Variants in IL1RAPL2 observed in about 807,000 individuals in gnomAD.
IL1RAPL2 encodes the protein interleukin 1 receptor accessory protein like 2.
In IL1RAPL2, 3 loss-of-function variants were observed where a neutral mutation model predicts 44.1. The observed-to-expected ratio is 0.07, with a 90% CI of 0.03 to 0.18. The LOEUF (loss-of-function observed/expected upper bound fraction) is 0.18, where lower values mean the gene tolerates loss of function less well. Ranked by LOEUF, IL1RAPL2 falls within the 10% of genes least tolerant of loss-of-function variation. The probability of loss-of-function intolerance (pLI) is 1.00; values close to 1 mark genes in which losing one functional copy is unlikely to be tolerated. For synonymous variants in IL1RAPL2, 181 were observed against 178.8 expected (o/e 1.01, Z -0.10); for missense variants, 391 against 496.4 (o/e 0.79, Z 2.02).
intron 8 of IL1RAPL2, among the ~76,000 whole-genome samples, chrX:105,748,429 C>A (rs1387103090): frequency 8.9e-6 from 1 of 111,920 alleles, no homozygotes; most frequent in East Asian, 2.8e-4. Context: ...TACCTGCTTA[C>A]CTTATATTGG....
chrX:105,275,766 G>A (rs1259655658), intron 5 of IL1RAPL2, among the ~76,000 whole-genome samples: 1 of 111,528 alleles, frequency 9.0e-6, no homozygotes, highest in Non-Finnish European at 1.9e-5. Flanking sequence ...GGCTGAGAGA[G>A]TTTAAAACAA....
In IL1RAPL2 at chrX:104,970,229, CACTA is replaced by C. The variant is rs775301077; in HGVS notation, c.83-225244_83-225241del. Among the ~76,000 whole-genome samples, 253 of 111,753 alleles carry C rather than the reference CACTA, an allele frequency of 2.3e-3. 1 individual carries two copies. The highest frequency in any genetic ancestry group is 7.7e-3 in the African/African-American group (238 of 30,763). ...ATTATAGTGTAGTCATAAAATGAAACACTAAATAGTGAAAATAAATGAACTTGAG... is the reference window on the plus strand; with the variant it reads ...ATTATAGTGTAGTCATAAAATGAAACAATAGTGAAAATAAATGAACTTGAG... On this transcript the variant is annotated intron_variant, in intron 2 of 10. Coordinates refer to ENST00000372582, the MANE Select transcript of IL1RAPL2 (RefSeq NM_017416.2).
chrX:104,898,397 AT>A (rs768241366), intron 2 of IL1RAPL2, among the ~76,000 whole-genome samples: 1 of 112,672 alleles, frequency 8.9e-6, no homozygotes, highest in African/African-American at 3.2e-5. Context: ...AAGTATAGGT[AT>A]ATTAGTATTC....
intron 10 of IL1RAPL2, among the ~76,000 whole-genome samples, chrX:105,762,198 T>G (rs1168667350): frequency 1.8e-5 from 2 of 112,367 alleles, no homozygotes; most frequent in Non-Finnish European, 3.8e-5. Flanking sequence ...TTTCTAGATC[T>G]AATTCTATTT....
intron 5 of IL1RAPL2, among the ~76,000 whole-genome samples, chrX:105,475,401 A>G (rs2036191205): frequency 9.0e-6 from 1 of 111,147 alleles, no homozygotes; most frequent in Non-Finnish European, 1.9e-5. Context: ...CTAGATCCTG[A>G]CAGATCAGTC....
chrX:104,871,089 G>A (rs1191666659), intron 2 of IL1RAPL2, among the ~76,000 whole-genome samples: 1 of 111,194 alleles, frequency 9.0e-6, no homozygotes, highest in Non-Finnish European at 1.9e-5. Flanking sequence ...ACTTATATAA[G>A]TTCTTAAATG....
Position 105,749,015 on chromosome X carries a change from T to C in IL1RAPL2, c.1104T>C (p.Leu368=). Residue 368 remains leucine (L), a synonymous_variant, in exon 9 of 11, where the codon CTT becomes CTC. Transcript: ENST00000372582. The stretch of plus-strand genomic sequence containing the variant: ...GCCTGGGAGCAATCTTCCTCCTCCT[T>C]GTACTGCTGGTGGTCATTTACAAAT... ...AGGLGAIFLL[L]VLLVVIYKCY... is the part of the protein sequence containing the mutation. 1.7e-6 allele frequency: 2 copies of C among 1,209,192 alleles called. No homozygotes were observed. The highest frequency in any genetic ancestry group is 2.2e-6 in the Non-Finnish European group (2 of 893,281).
intron 2 of IL1RAPL2, among the ~76,000 whole-genome samples, chrX:105,026,857 C>T: frequency 2.2e-5 from 1 of 45,319 alleles, no homozygotes; most frequent in Non-Finnish European, 3.9e-5. Context: ...TTATATGGAA[C>T]CACAAAAGAC....
chrX:105,009,749 TAATA>T (rs2031015795), intron 2 of IL1RAPL2, among the ~76,000 whole-genome samples: 1 of 109,816 alleles, frequency 9.1e-6, no homozygotes, highest in South Asian at 3.9e-4. Context: ...TAAAGTATAA[TAATA>T]ATAAAATTTA....
intron 2 of IL1RAPL2, among the ~76,000 whole-genome samples, chrX:104,693,646 A>G (rs150848541): frequency 8.1e-5 from 9 of 111,549 alleles, no homozygotes; most frequent in Non-Finnish European, 1.1e-4. Context: ...TAAATTTCCT[A>G]TTTTCAGAGA....
chrX:104,763,465 G>T (rs928162056), intron 2 of IL1RAPL2, among the ~76,000 whole-genome samples: 8 of 111,855 alleles, frequency 7.2e-5, no homozygotes, highest in Non-Finnish European at 1.3e-4. Flanking sequence ...ACCTCTGCCT[G>T]TTACCCAGTT....
In IL1RAPL2 at chrX:104,743,269, A is replaced by G. The variant is rs149880631; in HGVS notation, c.82+84274A>G. On this transcript the variant is annotated intron_variant, in intron 2 of 10. Transcript: ENST00000372582. ...GCACTTATGTTCCCTCTTTGAGGCCACTTATTTGCTTCAGACCTTTTTTCT... is the reference window on the plus strand; with the variant it reads ...GCACTTATGTTCCCTCTTTGAGGCCGCTTATTTGCTTCAGACCTTTTTTCT... 6.2e-3 allele frequency among the ~76,000 whole-genome samples: 678 copies of G among 109,680 alleles called. 3 individuals carry two copies. The highest frequency in any genetic ancestry group is 0.021 in the African/African-American group (645 of 30,214).
chrX:105,329,882 A>G (rs1226698148), intron 5 of IL1RAPL2, among the ~76,000 whole-genome samples: 1 of 111,860 alleles, frequency 8.9e-6, no homozygotes, highest in Admixed American at 9.5e-5. Flanking sequence ...TTATATACAT[A>G]TTATTAAATT....
At chrX:105,225,197 A>G (rs953082585) in intron 3 of IL1RAPL2, among the ~76,000 whole-genome samples, 3 of 112,013 alleles carry the variant, frequency 2.7e-5, no homozygotes, top group Non-Finnish European at 5.6e-5. Context: ...ATTGCTACAT[A>G]TATATGTACT....
At chrX:104,762,149 C>T (rs1384389785) in intron 2 of IL1RAPL2, among the ~76,000 whole-genome samples, 1 of 108,949 alleles carries the variant, frequency 9.2e-6, no homozygotes, top group African/African-American at 3.3e-5. Context: ...AGGTGCCCAC[C>T]ACCACGCCTG....
intron 6 of IL1RAPL2, among the ~76,000 whole-genome samples, chrX:105,637,296 T>C (rs750240688): frequency 8.9e-6 from 1 of 112,014 alleles, no homozygotes; most frequent in Non-Finnish European, 1.9e-5. Context: ...TGAATATATC[T>C]CACCTCAGTG....
intron 2 of IL1RAPL2, among the ~76,000 whole-genome samples, chrX:104,676,588 T>C (rs1405883326): frequency 9.0e-6 from 1 of 111,620 alleles, no homozygotes; most frequent in Non-Finnish European, 1.9e-5. Context: ...TTGGAGTTTA[T>C]CTTCTCGAGG....
intron 1 of IL1RAPL2, among the ~76,000 whole-genome samples, chrX:104,578,538 A>G (rs1928283430): frequency 9.0e-6 from 1 of 111,594 alleles, no homozygotes; most frequent in African/African-American, 3.3e-5. Flanking sequence ...GAATGGTGGT[A>G]AGGGATCTGG....
At chrX:105,162,809 C>A (rs1186520036) in intron 2 of IL1RAPL2, among the ~76,000 whole-genome samples, 1 of 111,371 alleles carries the variant, frequency 9.0e-6, no homozygotes, top group Middle Eastern at 4.3e-3. Context: ...AAGGCACCAG[C>A]AGATTTGGTG....
Sources: allele counts gnomAD v4.1 joint callset (sites outside exome capture counted in the v4.1 genomes callset), GRCh38; gene constraint gnomAD v4.1.1; transcripts MANE v1.5; gene names NCBI Gene and HGNC (gene_info 2026-07-23, HGNC 2026-07-21).